NEGR1: variants seen among roughly 807,000 people sequenced by gnomAD.
NEGR1 encodes the protein IgLON family member 4.
In NEGR1, 10 loss-of-function variants were observed where a neutral mutation model predicts 40.9. The observed-to-expected ratio is 0.24, with a 90% CI of 0.15 to 0.42. The LOEUF (loss-of-function observed/expected upper bound fraction) is 0.42. Ranked by LOEUF, NEGR1 falls within the 10% of genes least tolerant of loss-of-function variation. NEGR1 has a pLI of 1.00. For synonymous variants in NEGR1, 185 were observed against 166.8 expected (o/e 1.11, Z -0.84); for missense variants, 352 against 438.9 (o/e 0.80, Z 1.77).
chr1:71,994,731 A>C (rs972011159), intron 1 of NEGR1, among the ~76,000 whole-genome samples: 12 of 152,098 alleles, frequency 7.9e-5, no homozygotes, highest in Non-Finnish European at 1.3e-4. Context: ...TAAAGTGCCC[A>C]CATCATGCAA....
intron 6 of NEGR1, among the ~76,000 whole-genome samples, chr1:71,438,928 C>A (rs1646528027): frequency 6.6e-6 from 1 of 152,150 alleles, no homozygotes; most frequent in Non-Finnish European, 1.5e-5. Flanking sequence ...TGGCCAGAGG[C>A]ACATGTGGAC....
chr1:71,642,780 T>G (rs2101574873), intron 4 of NEGR1, among the ~76,000 whole-genome samples: 1 of 152,106 alleles, frequency 6.6e-6, no homozygotes, highest in South Asian at 2.1e-4. Flanking sequence ...CTATAAATGT[T>G]TATTCTATCT....
intron 1 of NEGR1, among the ~76,000 whole-genome samples, chr1:72,232,674 G>GT (rs1431050793): frequency 1.3e-5 from 2 of 151,950 alleles, no homozygotes; most frequent in East Asian, 1.9e-4. Flanking sequence ...TTTATCAAGT[G>GT]TTTTTTTGTT....
chr1:71,525,421 A>C (rs1647205423), intron 6 of NEGR1, among the ~76,000 whole-genome samples: 1 of 151,710 alleles, frequency 6.6e-6, no homozygotes, highest in Non-Finnish European at 1.5e-5. Flanking sequence ...CTGGACTTGC[A>C]ATAATCAATG....
chr1:71,728,488 C>A (rs561139457), intron 3 of NEGR1, among the ~76,000 whole-genome samples: 1 of 152,224 alleles, frequency 6.6e-6, no homozygotes, highest in East Asian at 1.9e-4. Context: ...AGACTTACCC[C>A]ATTAGAACAG....
intron 2 of NEGR1, among the ~76,000 whole-genome samples, chr1:71,886,941 G>C (rs1317774867): frequency 1.3e-5 from 2 of 152,138 alleles, no homozygotes; most frequent in Non-Finnish European, 2.9e-5. Flanking sequence ...CAATGTGGGA[G>C]TTAGCACTGA....
At chr1:71,740,764 C>G (rs994254933) in intron 3 of NEGR1, among the ~76,000 whole-genome samples, 3 of 152,126 alleles carry the variant, frequency 2.0e-5, no homozygotes, top group Admixed American at 6.6e-5. Context: ...GCAAGTGTAT[C>G]TGCCATCTTT....
chr1:71,905,541 C>T (rs537167797), intron 2 of NEGR1, among the ~76,000 whole-genome samples: 2 of 151,988 alleles, frequency 1.3e-5, no homozygotes, highest in South Asian at 2.1e-4. Context: ...AATAAAACAT[C>T]GTGAAGATTA....
At chr1:71,556,763 G>A (rs932448662) in intron 6 of NEGR1, among the ~76,000 whole-genome samples, 4 of 151,492 alleles carry the variant, frequency 2.6e-5, no homozygotes, top group South Asian at 2.1e-4. Context: ...AAAATAAACC[G>A]TGGCTGGGAG....
chr1:71,651,311 C>T lies in NEGR1; in HGVS notation c.668-40165G>A, dbSNP rs181279767. Among the ~76,000 whole-genome samples the T allele has an allele frequency of 4.4e-3, 667 of 152,112 alleles. 10 individuals carry two copies. Among genetic ancestry groups the T allele is most frequent in the South Asian group, 8.7e-3 (42 of 4,806 alleles). On this transcript the variant is annotated intron_variant, in intron 4 of 6. Coordinates refer to ENST00000357731, the MANE Select transcript of NEGR1 (RefSeq NM_173808.3). ...GGGGGGAAATGACTGAAGCTCAATT[C>T]CAGGATCAGAATGTTACTTGTATGA...
Position 71,400,376 on chromosome 1 carries a change from C to T in NEGR1, c.*7070G>A, listed in dbSNP as rs1239908750. The T allele has an allele frequency of 2.0e-5, 3 of 151,822 alleles. No homozygotes were observed. The highest frequency in any genetic ancestry group is 6.6e-5 in the Admixed American group (1 of 15,212). 9.4% of individuals were successfully genotyped at this position (151,822 alleles called of 1,614,324 possible). A position where few individuals can be genotyped will look rare whatever the true frequency, so the allele number is the denominator to read the frequency against. ...TGAATTATTGCTATCTCAACTGTTA[C>T]TTCATTTTTCTTACTGTTTTTGATA... On this transcript the variant is annotated 3_prime_UTR_variant, in exon 7 of 7. Transcript: ENST00000357731.
chr1:72,065,940 A>G (rs1424904433), intron 1 of NEGR1, among the ~76,000 whole-genome samples: 3 of 152,110 alleles, frequency 2.0e-5, no homozygotes, highest in Non-Finnish European at 4.4e-5. Context: ...TACACAAACC[A>G]AGAAAGCCTG....
intron 1 of NEGR1, among the ~76,000 whole-genome samples, chr1:72,082,932 T>G (rs1018737951): frequency 6.6e-6 from 1 of 152,142 alleles, no homozygotes; most frequent in African/African-American, 2.4e-5. Flanking sequence ...AATATTGGAA[T>G]ACGGGATTAT....
At chr1:71,644,725 T>C (rs376869143) in intron 4 of NEGR1, among the ~76,000 whole-genome samples, 3 of 152,040 alleles carry the variant, frequency 2.0e-5, no homozygotes, top group Middle Eastern at 3.4e-3. Context: ...AAATATTAAA[T>C]TACATAACAG....
At chr1:72,012,566 C>G (rs1646666479) in intron 1 of NEGR1, among the ~76,000 whole-genome samples, 1 of 151,918 alleles carries the variant, frequency 6.6e-6, no homozygotes. Context: ...CTATTTTGAG[C>G]AATGAGAACA....
intron 1 of NEGR1, among the ~76,000 whole-genome samples, chr1:72,114,910 A>T (rs540259565): frequency 6.6e-6 from 1 of 151,824 alleles, no homozygotes; most frequent in Non-Finnish European, 1.5e-5. Context: ...GTGTACTCAT[A>T]AAAAGTTTGT....
At chr1:71,820,603 G>A (rs189039499) in intron 2 of NEGR1, among the ~76,000 whole-genome samples, 4 of 151,996 alleles carry the variant, frequency 2.6e-5, no homozygotes. Context: ...TTGCGGTTAG[G>A]GTCCATCTTA....
chr1:71,665,593 T>C (rs1381837411), intron 4 of NEGR1, among the ~76,000 whole-genome samples: 1 of 152,174 alleles, frequency 6.6e-6, no homozygotes, highest in Non-Finnish European at 1.5e-5. Context: ...GTCCCATTGT[T>C]GAACAATTCT....
chr1:72,259,810 C>A (rs1268742605), intron 1 of NEGR1, among the ~76,000 whole-genome samples: 2 of 151,988 alleles, frequency 1.3e-5, no homozygotes, highest in East Asian at 3.9e-4. Context: ...TAAAACTATT[C>A]TTGTATATGG....
Sources: gnomAD v4.1 joint callset for allele counts (sites outside exome capture counted in the v4.1 genomes callset) on GRCh38, gnomAD v4.1.1 for gene constraint, MANE v1.5 for transcripts, NCBI Gene and HGNC (gene_info 2026-07-23, HGNC 2026-07-21) for gene names.